TAL1: variants seen among roughly 807,000 people sequenced by gnomAD.
TAL1 encodes T-cell acute lymphocytic leukemia protein 1.
Under a neutral mutation model 17.9 loss-of-function variants are expected in TAL1, and 8 were observed. That is an observed-to-expected ratio of 0.45 (90% CI 0.26 to 0.81). The LOEUF (loss-of-function observed/expected upper bound fraction) is 0.81, where lower values mean the gene tolerates loss of function less well. TAL1 is among the 30% of genes least tolerant of loss of function. The pLI is 0.17. For missense variants in TAL1, 466 were observed against 486.9 expected (o/e 0.96, Z 0.40); for synonymous variants, 223 against 218.6 (o/e 1.02, Z -0.18).
exon 4 of TAL1, chr1:47,219,181 G>A: frequency 2.3e-6 from 1 of 430,308 alleles, no homozygotes; most frequent in East Asian, 4.0e-5. Flanking sequence ...GCACCTCGAG[G>A]CTTGTGACTC....
chr1:47,216,791 G>GTTGTT (rs1557669260), exon 4 of TAL1: 1 of 231,390 alleles, frequency 4.3e-6, no homozygotes, highest in Admixed American at 5.6e-5. Flanking sequence ...TTCTCAAAAT[G>GTTGTT]TTGTTTTGTT....
chr1:47,217,791 C>A, exon 4 of TAL1: 1 of 398,566 alleles, frequency 2.5e-6, no homozygotes. Context: ...AGCGAATCCA[C>A]GGTGAAGCAA....
intron 3 of TAL1, 53 bp from the exon 5 acceptor site, chr1:47,220,227 A>G (rs748670784): frequency 2.7e-6 from 4 of 1,469,536 alleles, no homozygotes; most frequent in Non-Finnish European, 3.6e-6. Context: ...TTCCTTCCCC[A>G]AAGGCATCTC....
chr1:47,218,704 T>G (rs1178033690), exon 4 of TAL1: 2 of 232,802 alleles, frequency 8.6e-6, no homozygotes, highest in Non-Finnish European at 1.7e-5. Flanking sequence ...ATGCAAAGCA[T>G]TCATAGGACA....
At chr1:47,218,874 A>G (rs1310869714) in exon 4 of TAL1, 3 of 245,694 alleles carry the variant, frequency 1.2e-5, no homozygotes, top group Non-Finnish European at 2.4e-5. Context: ...ACTCGCCAGC[A>G]TGAACAGTGA....
chr1:47,218,076 T>G, exon 4 of TAL1: 1 of 273,852 alleles, frequency 3.7e-6, no homozygotes, highest in Non-Finnish European at 6.8e-6. Context: ...GACAAGCCAC[T>G]AGGCTGAAGC....
At chr1:47,219,824 C>A in exon 4 of TAL1, 2 of 1,606,222 alleles carry the variant, frequency 1.2e-6, no homozygotes, top group South Asian at 1.1e-5. Flanking sequence ...GGGCTGGCTG[C>A]CCCATCCAGG....
At chr1:47,222,202 G>A (rs1177947932) in intron 3 of TAL1, among the ~76,000 whole-genome samples, 1 of 152,214 alleles carries the variant, frequency 6.6e-6, no homozygotes. Context: ...GGGTACTTAT[G>A]ACTGCTGTCA....
At chr1:47,218,523 T>A (rs1357307049) in exon 4 of TAL1, 1 of 232,872 alleles carries the variant, frequency 4.3e-6, no homozygotes, top group Non-Finnish European at 8.5e-6. Flanking sequence ...GACCAAAAGC[T>A]GCACAACTGA....
Position 47,217,870 on chromosome 1 carries a change from C to T in TAL1, c.*1850G>A, listed in dbSNP as rs143811431. ...GGGGCTCCTCACAGGATCTTCCAAA[C>T]GTTGGAAAGGAACCAACCCTAATTT... is the stretch of plus-strand genomic sequence containing the variant. On this transcript the variant is annotated 3_prime_UTR_variant, in exon 4 of 4. Coordinates refer to ENST00000294339, the Ensembl canonical transcript of TAL1. 210 of 397,760 alleles carry T rather than the reference C, an allele frequency of 5.3e-4. 1 individual carries two copies. The highest frequency in any genetic ancestry group is 3.9e-3 in the African/African-American group (188 of 48,734). The allele number at this position is 397,760 out of a possible 1,614,324, so 24.6% of individuals were successfully genotyped here.
intron 2 of TAL1, among the ~76,000 whole-genome samples, chr1:47,224,631 CA>C (rs1643880629): frequency 2.0e-5 from 3 of 152,132 alleles, no homozygotes; most frequent in African/African-American, 7.2e-5. Flanking sequence ...ACACAACAGA[CA>C]GGAAACCCTG....
rs1396646165 is a variant in TAL1 at position 47,226,046 on chromosome 1, C to G, written c.-1-157G>C. On this transcript the variant is annotated intron_variant, in intron 1 of 3. Coordinates refer to ENST00000294339, the Ensembl canonical transcript of TAL1. ...AAGTTAGCGCCACGTGGGGCTAGGG[C>G]GGGAGGCCGGTTGGGGCTAGGGTGG... The G allele has an allele frequency of 7.9e-4, 119 of 150,908 alleles. 2 individuals carry two copies. Among genetic ancestry groups the G allele is most frequent in the South Asian group, 6.2e-3 (81 of 13,028 alleles). The allele number at this position is 150,908 out of a possible 1,614,324, so 9.3% of individuals were successfully genotyped here.
At chr1:47,225,694 G>T (rs920634129) in exon 2 of TAL1, 3 of 1,433,692 alleles carry the variant, frequency 2.1e-6, no homozygotes, top group African/African-American at 1.5e-5. Context: ...CGCCCCCACC[G>T]GCAGGGCCGC....
exon 4 of TAL1, chr1:47,218,515 C>A (rs754034401): frequency 1.3e-5 from 3 of 232,868 alleles, no homozygotes; most frequent in Non-Finnish European, 2.5e-5. Flanking sequence ...CCCTTGATGA[C>A]CAAAAGCTGC....
exon 4 of TAL1, chr1:47,220,160 C>T: frequency 6.4e-7 from 1 of 1,568,548 alleles, no homozygotes; most frequent in African/African-American, 1.4e-5. Flanking sequence ...CGCCGCACAA[C>T]TTTGGTGTGG....
chr1:47,217,342 G>C (rs990767341), exon 4 of TAL1: 8 of 394,462 alleles, frequency 2.0e-5, no homozygotes, highest in African/African-American at 1.7e-4. Flanking sequence ...AGCAATGATG[G>C]CACCACTGTA....
upstream of TAL1, chr1:47,231,184 G>A (rs2148598042): frequency 5.6e-6 from 1 of 178,562 alleles, no homozygotes; most frequent in Non-Finnish European, 1.2e-5. Context: ...CAAACACCTA[G>A]GCACAGGCGG....
At chr1:47,218,181 G>T (rs1279852706) in exon 4 of TAL1, 2 of 236,692 alleles carry the variant, frequency 8.4e-6, no homozygotes, top group Non-Finnish European at 1.7e-5. Context: ...GACCTCGAAG[G>T]CAGAGCCTAG....
chr1:47,229,312 G>A (rs755012405), exon 1 of TAL1: 10 of 203,572 alleles, frequency 4.9e-5, no homozygotes, highest in Non-Finnish European at 8.1e-5. Flanking sequence ...CTTTTTCGCT[G>A]AGAGGCCTGC....
Sources: allele counts gnomAD v4.1 joint callset (sites outside exome capture counted in the v4.1 genomes callset), GRCh38; gene constraint gnomAD v4.1.1; transcripts MANE v1.5; gene names NCBI Gene and HGNC (gene_info 2026-07-23, HGNC 2026-07-21).